NALCN: variants seen among roughly 807,000 people sequenced by gnomAD.
The protein encoded by NALCN is sodium leak channel NALCN.
In NALCN, 111 loss-of-function variants were observed where a neutral mutation model predicts 225.3. That is an observed-to-expected ratio of 0.49 (90% CI 0.42 to 0.58). The LOEUF (loss-of-function observed/expected upper bound fraction) is 0.58. Among genes scored for constraint, NALCN ranks in the 20% least tolerant of loss-of-function variants. The probability of loss-of-function intolerance (pLI) is 0.00; values close to 1 mark genes in which losing one functional copy is unlikely to be tolerated. For synonymous variants in NALCN, 764 were observed against 769.0 expected, an observed-to-expected ratio of 0.99 and a Z score of 0.11; for missense variants, 1,378 against 2,202.4, an observed-to-expected ratio of 0.63 and a Z score of 7.49.
intron 7 of NALCN, among the ~76,000 whole-genome samples, chr13:101,311,036 T>C (rs1016465614): frequency 1.3e-5 from 2 of 151,828 alleles, no homozygotes; most frequent in African/African-American, 4.8e-5. Context: ...TTTATTTCAT[T>C]GAGCAGTGGT....
chr13:101,265,454 A>T (rs2042566217), intron 10 of NALCN, among the ~76,000 whole-genome samples: 1 of 152,200 alleles, frequency 6.6e-6, no homozygotes, highest in Admixed American at 6.5e-5. Flanking sequence ...ACAACAAGAA[A>T]GGTCACTTTT....
chr13:101,410,293 T>G (rs941706665), intron 1 of NALCN, among the ~76,000 whole-genome samples: 1 of 152,204 alleles, frequency 6.6e-6, no homozygotes, highest in Non-Finnish European at 1.5e-5. Context: ...CTCCCATCAC[T>G]GTTTCCAAAT....
intron 13 of NALCN, among the ~76,000 whole-genome samples, chr13:101,221,144 T>C (rs891379310): frequency 7.1e-6 from 1 of 141,096 alleles, no homozygotes; most frequent in Admixed American, 6.8e-5. Flanking sequence ...TACTTGAAGG[T>C]CCTTTTGAAT....
intron 7 of NALCN, among the ~76,000 whole-genome samples, chr13:101,300,760 G>C (rs1393671518): frequency 1.3e-5 from 2 of 152,168 alleles, no homozygotes; most frequent in Admixed American, 1.3e-4. Context: ...GGCATATCAA[G>C]GCAATAAAAC....
chr13:101,325,305 C>G (rs1009436722), intron 7 of NALCN, among the ~76,000 whole-genome samples: 1 of 152,198 alleles, frequency 6.6e-6, no homozygotes, highest in Non-Finnish European at 1.5e-5. Context: ...AAGGGTTTCT[C>G]TGCTTATTAA....
intron 10 of NALCN, among the ~76,000 whole-genome samples, chr13:101,260,484 C>T (rs2042389399): frequency 6.6e-6 from 1 of 152,190 alleles, no homozygotes; most frequent in Non-Finnish European, 1.5e-5. Context: ...TACCTTCCCA[C>T]CAACAGTGTA....
Position 101,179,859 on chromosome 13 carries a change from C to T in NALCN, c.1765-3485G>A, listed in dbSNP as rs149432445. The stretch of plus-strand genomic sequence containing the variant: ...GTTGTCGGCAAGACCACACTCTCTC[C>T]AAAGGCCACGGGGGAGAATACTCCC... On this transcript the variant is annotated intron_variant, in intron 14 of 43. Transcript: ENST00000251127. 3.5e-4 allele frequency among the ~76,000 whole-genome samples: 54 copies of T among 152,292 alleles called. No individual in the cohort carries two copies. In the East Asian group the frequency reaches 9.3e-3, roughly 26 times the overall value.
rs10549837 is a variant in NALCN, at chr13:101,289,525, C to CATAT, written c.1047+2461_1047+2464dup. On this transcript the variant is annotated intron_variant, in intron 9 of 43. Coordinates refer to ENST00000251127, the MANE Select transcript of NALCN (RefSeq NM_052867.4). ...GCCCCTTCTTTGTTCTGAAAATGTG[C>CATAT]ATATATATATATATATATATATATA... Among the ~76,000 whole-genome samples the CATAT allele has an allele frequency of 3.7e-3, 520 of 140,832 alleles. 2 individuals carry two copies. The highest frequency in any genetic ancestry group is 0.01 in the African/African-American group (403 of 38,398). 92.4% of individuals were successfully genotyped at this position (140,832 alleles called of 152,430 possible).
At chr13:101,185,867 C>T (rs2039428104) in intron 14 of NALCN, among the ~76,000 whole-genome samples, 1 of 152,216 alleles carries the variant, frequency 6.6e-6, no homozygotes, top group Non-Finnish European at 1.5e-5. Context: ...AAAGACACAT[C>T]AGAGCTTGTA....
intron 7 of NALCN, among the ~76,000 whole-genome samples, chr13:101,296,910 T>C (rs2043777685): frequency 1.3e-5 from 2 of 152,242 alleles, no homozygotes; most frequent in South Asian, 4.1e-4. Flanking sequence ...AGTCTATGTT[T>C]AGAAGATAAA....
At chr13:101,181,208 G>A (rs1228098891) in intron 14 of NALCN, 1 of 518,784 alleles carries the variant, frequency 1.9e-6, no homozygotes, top group African/African-American at 1.9e-5. Flanking sequence ...ATTCCAGGTG[G>A]TGTGGTGAGG....
At chr13:101,219,611 C>CA (rs2040862130) in intron 13 of NALCN, among the ~76,000 whole-genome samples, 1 of 152,152 alleles carries the variant, frequency 6.6e-6, no homozygotes, top group African/African-American at 2.4e-5. Flanking sequence ...GGCTGTGCCC[C>CA]AAAATGTTAA....
intron 11 of NALCN, among the ~76,000 whole-genome samples, chr13:101,253,603 T>A (rs1013378487): frequency 3.3e-5 from 5 of 152,234 alleles, no homozygotes; most frequent in African/African-American, 1.2e-4. Flanking sequence ...TTTATTGTTG[T>A]CAGTATTAAA....
chr13:101,186,286 T>C (rs2039444286), intron 14 of NALCN, among the ~76,000 whole-genome samples: 1 of 152,246 alleles, frequency 6.6e-6, no homozygotes, highest in Non-Finnish European at 1.5e-5. Context: ...GTTTGTTGGT[T>C]AGCCTGTCTG....
intron 15 of NALCN, among the ~76,000 whole-genome samples, chr13:101,153,803 A>G (rs1466902280): frequency 6.6e-6 from 1 of 152,222 alleles, no homozygotes; most frequent in East Asian, 1.9e-4. Context: ...AACATCTAGA[A>G]AAGAAATACC....
chr13:101,273,884 C>CAAAAAAAAAAA (rs34847260), intron 10 of NALCN, among the ~76,000 whole-genome samples: 1 of 95,864 alleles, frequency 1.0e-5, no homozygotes, highest in African/African-American at 4.4e-5. Context: ...GACTCCATCT[C>CAAAAAAAAAAA]AAAAAAAAAA....
intron 1 of NALCN, among the ~76,000 whole-genome samples, chr13:101,404,680 T>C (rs2047567151): frequency 1.3e-5 from 2 of 152,252 alleles, no homozygotes; most frequent in African/African-American, 4.8e-5. Flanking sequence ...TTTCCATGCA[T>C]ACATTTATTT....
chr13:101,303,418 G>A (rs555376045), intron 7 of NALCN, among the ~76,000 whole-genome samples: 94 of 152,210 alleles, frequency 6.2e-4, no homozygotes, highest in African/African-American at 2.1e-3. Flanking sequence ...GTGATGGGGC[G>A]ATTCTCCTGG....
At chr13:101,131,775 T>C (rs2036532572) in intron 17 of NALCN, among the ~76,000 whole-genome samples, 1 of 152,202 alleles carries the variant, frequency 6.6e-6, no homozygotes, top group Non-Finnish European at 1.5e-5. Context: ...TTATGGTAAA[T>C]ATTAACTATG....
Sources: allele counts gnomAD v4.1 joint callset (sites outside exome capture counted in the v4.1 genomes callset), GRCh38; gene constraint gnomAD v4.1.1; transcripts MANE v1.5; gene names NCBI Gene and HGNC (gene_info 2026-07-23, HGNC 2026-07-21).